The following AGPS variants were observed in gnomAD, a reference collection of about 807,000 sequenced individuals.
AGPS encodes the protein alkylglycerone phosphate synthase.
In AGPS, 26 loss-of-function variants were observed where a neutral mutation model predicts 90.7. The observed-to-expected ratio is 0.29, with a 90% CI of 0.21 to 0.40. The LOEUF (loss-of-function observed/expected upper bound fraction) is 0.40. Among genes scored for constraint, AGPS ranks in the 10% least tolerant of loss-of-function variants. The pLI is 1.00. For missense variants in AGPS, 540 were observed against 816.1 expected (o/e 0.66, Z 4.12); for synonymous variants, 294 against 285.3 (o/e 1.03, Z -0.31).
chr2:177,502,671 T>G (rs1056261417), intron 14 of AGPS, among the ~76,000 whole-genome samples: 2 of 152,102 alleles, frequency 1.3e-5, no homozygotes, highest in Admixed American at 6.6e-5. Flanking sequence ...TCTCAAGCAG[T>G]ACTCCCACCT....
intron 7 of AGPS, among the ~76,000 whole-genome samples, chr2:177,444,146 C>T (rs1003173163): frequency 1.3e-5 from 2 of 151,992 alleles, no homozygotes; most frequent in African/African-American, 2.4e-5. Context: ...GTCAGCCAGG[C>T]GTGGTGGCTC....
rs547366693 is a variant in AGPS at position 177,393,164 on chromosome 2, G to A, written c.260+115G>A. 2.6e-4 allele frequency: 401 copies of A among 1,547,578 alleles called. 3 individuals are homozygous for A. In the South Asian group the frequency reaches 4.5e-3, roughly 17 times the overall value. On this transcript the variant is annotated intron_variant, in intron 1 of 19. Coordinates refer to ENST00000264167, the MANE Select transcript of AGPS (RefSeq NM_003659.4). ...GACACGGGTGGGCGGAAGGCATCCC[G>A]GTCCCTGAAAGTAGGGACCCACCTC... is the stretch of plus-strand genomic sequence containing the variant.
chr2:177,499,285 A>G (rs1216764384), intron 13 of AGPS, among the ~76,000 whole-genome samples: 1 of 151,812 alleles, frequency 6.6e-6, no homozygotes, highest in Non-Finnish European at 1.5e-5. Context: ...TTATTCTATC[A>G]TTCTGCAGTT....
At chr2:177,458,471 T>C (rs1687187478) in intron 8 of AGPS, among the ~76,000 whole-genome samples, 1 of 152,232 alleles carries the variant, frequency 6.6e-6, no homozygotes, top group South Asian at 2.1e-4. Flanking sequence ...CTCCTTAAGC[T>C]GATAAGCAAC....
At chr2:177,406,375 T>C (rs968290550) in intron 1 of AGPS, among the ~76,000 whole-genome samples, 1 of 152,178 alleles carries the variant, frequency 6.6e-6, no homozygotes, top group Non-Finnish European at 1.5e-5. Context: ...ATAAAAGATA[T>C]GATGTAGCTG....
At chr2:177,458,184 G>T (rs568575221) in intron 8 of AGPS, among the ~76,000 whole-genome samples, 4 of 152,064 alleles carry the variant, frequency 2.6e-5, no homozygotes, top group African/African-American at 9.7e-5. Flanking sequence ...TCGATGGAAC[G>T]TATCTCAAAA....
intron 11 of AGPS, among the ~76,000 whole-genome samples, chr2:177,490,688 C>A (rs924374028): frequency 6.6e-6 from 1 of 151,912 alleles, no homozygotes; most frequent in Non-Finnish European, 1.5e-5. Flanking sequence ...TTTTTTCCAG[C>A]TTTTTAATTT....
chr2:177,442,549 T>TA, intron 7 of AGPS, 63 bp downstream of exon 7: 1 of 1,350,912 alleles, frequency 7.4e-7, no homozygotes, highest in Non-Finnish European at 1.0e-6. Flanking sequence ...TAATTGTCAT[T>TA]AAAAAAGAAT....
intron 19 of AGPS, among the ~76,000 whole-genome samples, chr2:177,533,382 C>T (rs1436326529): frequency 6.6e-6 from 1 of 151,866 alleles, no homozygotes; most frequent in African/African-American, 2.4e-5. Context: ...CTGCTCCCCA[C>T]CCCACCATCC....
At chr2:177,399,507 A>G (rs1017809798) in intron 1 of AGPS, among the ~76,000 whole-genome samples, 1 of 152,154 alleles carries the variant, frequency 6.6e-6, no homozygotes, top group Non-Finnish European at 1.5e-5. Flanking sequence ...TAGCTTTTTT[A>G]CTGATAATGC....
intron 19 of AGPS, among the ~76,000 whole-genome samples, chr2:177,536,700 G>GT (rs543799169): frequency 2.6e-5 from 4 of 151,686 alleles, no homozygotes; most frequent in African/African-American, 4.8e-5. Flanking sequence ...TGAATTTAAG[G>GT]TTTTTTTTCT....
At chr2:177,515,042 C>G (rs780227042) in intron 17 of AGPS, among the ~76,000 whole-genome samples, 1 of 149,490 alleles carries the variant, frequency 6.7e-6, no homozygotes, top group Non-Finnish European at 1.5e-5. Flanking sequence ...GCTGGGCATT[C>G]GAGATATCTG....
chr2:177,445,888 T>G (rs913352676), intron 8 of AGPS, among the ~76,000 whole-genome samples: 15 of 152,292 alleles, frequency 9.8e-5, no homozygotes, highest in African/African-American at 3.6e-4. Flanking sequence ...CGATAAATAA[T>G]TAATTATTTG....
Position 177,541,113 on chromosome 2 carries a change from A to T in AGPS, c.*2918A>T, listed in dbSNP as rs1370528808. 6.6e-6 allele frequency: 1 copy of T among 152,146 alleles called. No individual in the cohort carries two copies. The highest frequency in any genetic ancestry group is 1.9e-4 in the East Asian group (1 of 5,198). 9.4% of individuals were successfully genotyped at this position (152,146 alleles called of 1,614,324 possible). A position where few individuals can be genotyped will look rare whatever the true frequency, so the allele number is the denominator to read the frequency against. ...TAGTACTATTACTTAAAAGTTATTT[A>T]TGAAGTTGGGAGCCTTCTAGTTTGC... On this transcript the variant is annotated 3_prime_UTR_variant, in exon 20 of 20. Coordinates refer to ENST00000264167, the MANE Select transcript of AGPS (RefSeq NM_003659.4).
chr2:177,462,759 T>C (rs1687338106), intron 9 of AGPS, among the ~76,000 whole-genome samples: 2 of 152,284 alleles, frequency 1.3e-5, no homozygotes, highest in Non-Finnish European at 2.9e-5. Context: ...TTCATAAATA[T>C]TCTAAAATGA....
chr2:177,464,452 A>G (rs1687389421), intron 9 of AGPS, among the ~76,000 whole-genome samples: 1 of 152,256 alleles, frequency 6.6e-6, no homozygotes, highest in Non-Finnish European at 1.5e-5. Flanking sequence ...CACAGTAACG[A>G]TGCTCATAGC....
At chr2:177,486,169 G>T (rs1220678597) in intron 11 of AGPS, among the ~76,000 whole-genome samples, 2 of 152,118 alleles carry the variant, frequency 1.3e-5, no homozygotes, top group South Asian at 4.1e-4. Context: ...TTCTATTCTC[G>T]AGCATTGCTC....
intron 9 of AGPS, among the ~76,000 whole-genome samples, chr2:177,467,574 A>T (rs1530965): frequency 0.86 from 131,274 of 152,096 alleles, 56,853 homozygotes; most frequent in East Asian, 0.95. Context: ...AATCTTTGTA[A>T]TTTACTGGAC....
chr2:177,442,569 G>A (rs1420217321), intron 7 of AGPS, 83 bp downstream of exon 7: 1 of 1,150,772 alleles, frequency 8.7e-7, no homozygotes, highest in African/African-American at 1.5e-5. Flanking sequence ...TCTAGCCACT[G>A]GGCGCTGTGG....
Sources: gnomAD v4.1 joint callset for allele counts (sites outside exome capture counted in the v4.1 genomes callset) on GRCh38, gnomAD v4.1.1 for gene constraint, MANE v1.5 for transcripts, NCBI Gene and HGNC (gene_info 2026-07-23, HGNC 2026-07-21) for gene names.